The following PHF21B variants were observed in gnomAD, a reference collection of about 807,000 sequenced individuals.
PHF21B encodes the protein PHD finger protein 21B.
Under a neutral mutation model 62.2 loss-of-function variants are expected in PHF21B, and 22 were observed. The ratio of observed to expected loss-of-function variants is 0.35; its 90% confidence interval spans 0.25 to 0.51. PHF21B has a LOEUF of 0.51. Ranked by LOEUF, PHF21B falls within the 20% of genes least tolerant of loss-of-function variation. The pLI is 0.97. For synonymous variants in PHF21B, 341 were observed against 314.7 expected, an observed-to-expected ratio of 1.08 and a Z score of -0.88; for missense variants, 701 against 707.9, an observed-to-expected ratio of 0.99 and a Z score of 0.11.
chr22:44,916,213 A>C (rs755936939), intron 4 of PHF21B, 67 bp downstream of exon 4: 537 of 1,470,792 alleles, frequency 3.7e-4, no homozygotes, highest in Non-Finnish European at 4.8e-4. Context: ...GCCCTTCCCA[A>C]ATGATTGCTC....
At chr22:44,904,792 T>C (rs2071220648) in intron 5 of PHF21B, among the ~76,000 whole-genome samples, 1 of 95,998 alleles carries the variant, frequency 1.0e-5, no homozygotes, top group Non-Finnish European at 2.1e-5. Context: ...TCCCTGAAGA[T>C]CAGAAGTCCA....
chr22:44,922,881 T>C lies in PHF21B; in HGVS notation c.121-2391A>G, dbSNP rs189241355. Among the ~76,000 whole-genome samples the C allele has an allele frequency of 9.2e-5, 14 of 152,334 alleles. No individual in the cohort carries two copies. In the East Asian group the frequency reaches 2.7e-3, roughly 29 times the overall value. On this transcript the variant is annotated intron_variant, in intron 2 of 12. Coordinates refer to ENST00000313237, the MANE Select transcript of PHF21B (RefSeq NM_138415.5). The stretch of plus-strand genomic sequence containing the variant: ...TCAGAAGCCTCAACATTGTTAAGAT[T>C]TCAATCCTTCCCAGATTGATCTACA...
chr22:44,926,044 A>G (rs1199370021), intron 2 of PHF21B, among the ~76,000 whole-genome samples: 1 of 150,058 alleles, frequency 6.7e-6, no homozygotes, highest in African/African-American at 2.4e-5. Flanking sequence ...GGGAAGGCCC[A>G]CGTGGCCCGG....
intron 2 of PHF21B, among the ~76,000 whole-genome samples, chr22:44,929,233 C>T (rs1245492501): frequency 6.6e-6 from 1 of 152,218 alleles, no homozygotes; most frequent in Non-Finnish European, 1.5e-5. Context: ...GTTCATTATT[C>T]ACAGATGAAA....
At chr22:44,925,806 G>A (rs777037798) in intron 2 of PHF21B, among the ~76,000 whole-genome samples, 4 of 152,100 alleles carry the variant, frequency 2.6e-5, no homozygotes, top group South Asian at 2.1e-4. Flanking sequence ...CGAACTCCAC[G>A]ACCAGTGTTC....
At chr22:44,899,116 A>C (rs1397044964) in intron 5 of PHF21B, among the ~76,000 whole-genome samples, 1 of 151,912 alleles carries the variant, frequency 6.6e-6, no homozygotes, top group Non-Finnish European at 1.5e-5. Flanking sequence ...GGCTCTTCTT[A>C]TTTTTTCATG....
chr22:45,006,111 C>CA (rs1176898151), intron 2 of PHF21B, among the ~76,000 whole-genome samples: 2 of 152,176 alleles, frequency 1.3e-5, no homozygotes, highest in African/African-American at 4.8e-5. Context: ...GATTTCAACG[C>CA]AGAGCCTGGG....
intron 10 of PHF21B, among the ~76,000 whole-genome samples, chr22:44,886,201 G>A (rs115960786): frequency 0.024 from 3,638 of 151,994 alleles, 142 homozygotes; most frequent in African/African-American, 0.082. Flanking sequence ...CTTCTCGAAC[G>A]AACGAATGAT....
At chr22:44,903,760 A>C (rs1290171725) in intron 5 of PHF21B, among the ~76,000 whole-genome samples, 2 of 152,170 alleles carry the variant, frequency 1.3e-5, no homozygotes, top group Non-Finnish European at 2.9e-5. Context: ...GTGACTGTTA[A>C]ATTATCTTGA....
chr22:44,882,726 T>C lies in PHF21B; in HGVS notation c.*360A>G, dbSNP rs1010055618. The C allele has an allele frequency of 2.9e-5, 7 of 239,058 alleles. No homozygotes were observed. The highest frequency in any genetic ancestry group is 6.9e-5 in the African/African-American group (3 of 43,708). 14.8% of individuals were successfully genotyped at this position (239,058 alleles called of 1,614,324 possible). A position where few individuals can be genotyped will look rare whatever the true frequency, so the allele number is the denominator to read the frequency against. ...GAGACTGCGTTCTGGGGGGCGTGCT[T>C]GTCCCCTCCACAGCCTCAGCCTGCC... On this transcript the variant is annotated 3_prime_UTR_variant, in exon 13 of 13. Transcript: ENST00000313237.
chr22:44,977,139 A>C (rs1433429155), intron 2 of PHF21B, among the ~76,000 whole-genome samples: 4 of 152,194 alleles, frequency 2.6e-5, no homozygotes, highest in Non-Finnish European at 5.9e-5. Flanking sequence ...AGAAAGAAAA[A>C]AACGAAGAAA....
At chr22:44,940,951 A>G (rs1452604972) in intron 2 of PHF21B, among the ~76,000 whole-genome samples, 1 of 152,234 alleles carries the variant, frequency 6.6e-6, no homozygotes, top group African/African-American at 2.4e-5. Context: ...TTTAATTTCC[A>G]TTAATCAACT....
chr22:44,887,263 A>T (rs1388234904), intron 10 of PHF21B, among the ~76,000 whole-genome samples: 1 of 151,686 alleles, frequency 6.6e-6, no homozygotes, highest in Non-Finnish European at 1.5e-5. Context: ...GCCACCCGCC[A>T]CCCACCACAC....
intron 1 of PHF21B, chr22:45,008,909 T>C: frequency 1.7e-6 from 2 of 1,147,648 alleles, no homozygotes; most frequent in South Asian, 4.4e-5. Flanking sequence ...CGAGTGAGTG[T>C]GAGTGTGAGT....
intron 8 of PHF21B, among the ~76,000 whole-genome samples, chr22:44,890,102 A>C (rs1003293067): frequency 6.6e-6 from 1 of 151,824 alleles, no homozygotes; most frequent in Non-Finnish European, 1.5e-5. Flanking sequence ...CATGATGGGA[A>C]TATCACAAGG....
chr22:44,912,423 G>A (rs1159041445), intron 5 of PHF21B, among the ~76,000 whole-genome samples: 1 of 152,154 alleles, frequency 6.6e-6, no homozygotes, highest in Non-Finnish European at 1.5e-5. Context: ...GGGACCTGGT[G>A]GGAAGTAACT....
At chr22:44,904,901 T>C (rs1230899711) in intron 5 of PHF21B, among the ~76,000 whole-genome samples, 1 of 152,188 alleles carries the variant, frequency 6.6e-6, no homozygotes, top group Non-Finnish European at 1.5e-5. Flanking sequence ...TCTGCAGATA[T>C]TTATTGCTCT....
At position 44,957,080 on chromosome 22, in the gene PHF21B, C is replaced by G. The variant is rs1381473050; in HGVS notation, c.121-36590G>C. ...ACGGCAGTCCAATGGCCACCTCCACCTCAGCACCGCCCCCTCCCTCCTCCC... is the reference window on the plus strand; with the variant it reads ...ACGGCAGTCCAATGGCCACCTCCACGTCAGCACCGCCCCCTCCCTCCTCCC... On this transcript the variant is annotated intron_variant, in intron 2 of 12. Transcript: ENST00000313237. Among the ~76,000 whole-genome samples, 4 of 152,296 alleles carry G rather than the reference C, an allele frequency of 2.6e-5. 1 individual carries two copies. The highest frequency in any genetic ancestry group is 4.1e-4 in the South Asian group (2 of 4,824).
chr22:44,980,447 C>T (rs1601673463), intron 2 of PHF21B, among the ~76,000 whole-genome samples: 1 of 152,212 alleles, frequency 6.6e-6, no homozygotes, highest in African/African-American at 2.4e-5. Context: ...CCACACAGGG[C>T]GTCCACACTG....
Sources: allele counts gnomAD v4.1 joint callset (sites outside exome capture counted in the v4.1 genomes callset), GRCh38; gene constraint gnomAD v4.1.1; transcripts MANE v1.5; gene names NCBI Gene and HGNC (gene_info 2026-07-23, HGNC 2026-07-21).